The following PFKP variants were observed in gnomAD, a reference collection of about 807,000 sequenced individuals.
The protein encoded by PFKP is ATP-dependent 6-phosphofructokinase, platelet type.
In PFKP, 101 loss-of-function variants were observed where a neutral mutation model predicts 94.3. The ratio of observed to expected loss-of-function variants is 1.07; its 90% CI spans 0.91 to 1.26. The LOEUF is 1.26. PFKP is among the 50% of genes most tolerant of loss of function. The probability of loss-of-function intolerance (pLI) is 0.00; values close to 1 mark genes in which losing one functional copy is unlikely to be tolerated. For missense variants in PFKP, 1,145 were observed against 1,103.3 expected, an observed-to-expected ratio of 1.04 and a Z score of -0.53; for synonymous variants, 573 against 432.6, an observed-to-expected ratio of 1.32 and a Z score of -4.03.
At chr10:3,105,680 GAGACTCAAGGCAGA>G (rs1292153889) in intron 7 of PFKP, among the ~76,000 whole-genome samples, 179 bp downstream of exon 7, 1 of 152,188 alleles carries the variant, frequency 6.6e-6, no homozygotes. Context: ...TATGAAGGCT[GAGACTCAAGGCAGA>G]AGAGGTTTCA....
chr10:3,128,120 G>GA (rs1838156829), intron 16 of PFKP, among the ~76,000 whole-genome samples: 1 of 152,088 alleles, frequency 6.6e-6, no homozygotes, highest in African/African-American at 2.4e-5. Context: ...GCTGGCTGGG[G>GA]AATACCATGC....
At chr10:3,068,396 C>T (rs921179478) in intron 1 of PFKP, among the ~76,000 whole-genome samples, 8 of 152,180 alleles carry the variant, frequency 5.3e-5, no homozygotes, top group African/African-American at 1.7e-4. Context: ...AAAAGGGTTT[C>T]CTGCGCTCGC....
At chr10:3,104,096 T>C in intron 5 of PFKP, 152 bp downstream of exon 5, 1 of 629,366 alleles carries the variant, frequency 1.6e-6, no homozygotes, top group South Asian at 2.2e-5. Context: ...AGAACATTGT[T>C]CTCTGGTCTA....
At chr10:3,097,873 G>A (rs933797882) in intron 2 of PFKP, among the ~76,000 whole-genome samples, 1 of 152,202 alleles carries the variant, frequency 6.6e-6, no homozygotes, top group African/African-American at 2.4e-5. Context: ...GCCAGATGTG[G>A]TAGTGTGTTC....
intron 17 of PFKP, among the ~76,000 whole-genome samples, chr10:3,130,684 C>T (rs1161812425): frequency 1.3e-5 from 2 of 152,182 alleles, no homozygotes; most frequent in African/African-American, 2.4e-5. Context: ...CTTAGCCTCC[C>T]AAGTAGCTGG....
At position 3,102,784 on chromosome 10, in the gene PFKP, G is replaced by A. The variant is rs538832238; in HGVS notation, c.455-995G>A. Among the ~76,000 whole-genome samples the A allele has an allele frequency of 2.3e-4, 35 of 152,332 alleles. 2 individuals carry two copies. The highest frequency in any genetic ancestry group is 8.3e-4 in the South Asian group (4 of 4,820). ...GCATATTGTTTAACAGCAACTCGAT[G>A]AGAGGCGGCATTGAGGCAAAGCAGC... On this transcript the variant is annotated intron_variant, in intron 4 of 21. Coordinates refer to ENST00000381125, the MANE Select transcript of PFKP (RefSeq NM_002627.5).
At chr10:3,133,035 TAACA>T (rs1357052906) in intron 18 of PFKP, among the ~76,000 whole-genome samples, 164 bp from the exon 19 acceptor site, 23 of 152,146 alleles carry the variant, frequency 1.5e-4, no homozygotes, top group Admixed American at 6.5e-5. Context: ...GGACCATGGG[TAACA>T]AACTGCAGAA....
At chr10:3,081,866 AG>A (rs149676777) in intron 1 of PFKP, among the ~76,000 whole-genome samples, 1 of 151,956 alleles carries the variant, frequency 6.6e-6, no homozygotes, top group Non-Finnish European at 1.5e-5. Flanking sequence ...GTTCTTCTCA[AG>A]GGGGGCCTCC....
At chr10:3,105,625 T>C (rs1418851317) in intron 7 of PFKP, 124 bp downstream of exon 7, 10 of 698,538 alleles carry the variant, frequency 1.4e-5, no homozygotes, top group Non-Finnish European at 2.1e-5. Flanking sequence ...TTGTCACACT[T>C]TGTATTTCAC....
intron 5 of PFKP, among the ~76,000 whole-genome samples, chr10:3,104,481 G>A (rs561366264): frequency 5.3e-5 from 8 of 152,338 alleles, no homozygotes; most frequent in Admixed American, 1.3e-4. Context: ...CTTTAAGGAC[G>A]AGGTGCTCGA....
chr10:3,133,074 T>G, intron 18 of PFKP, 129 bp from the exon 19 acceptor site: 1 of 712,144 alleles, frequency 1.4e-6, no homozygotes, highest in South Asian at 1.6e-5. Flanking sequence ...CTGGAGGGAC[T>G]GGTGTTGATG....
At chr10:3,090,565 G>A (rs1351228210) in intron 2 of PFKP, among the ~76,000 whole-genome samples, 2 of 151,984 alleles carry the variant, frequency 1.3e-5, no homozygotes, top group African/African-American at 4.8e-5. Flanking sequence ...CCCCCTCCCC[G>A]GCCTGGTCTC....
chr10:3,132,027 CTG>C (rs1838643560), intron 17 of PFKP, among the ~76,000 whole-genome samples: 1 of 152,206 alleles, frequency 6.6e-6, no homozygotes, highest in African/African-American at 2.4e-5. Flanking sequence ...ACTCTTTCCT[CTG>C]AGAGCACCGA....
chr10:3,135,419 T>C (rs541405260), intron 20 of PFKP, among the ~76,000 whole-genome samples: 1 of 149,200 alleles, frequency 6.7e-6, no homozygotes, highest in African/African-American at 2.5e-5. Context: ...TCTCAGTGTG[T>C]GTATGTGTGA....
intron 17 of PFKP, among the ~76,000 whole-genome samples, chr10:3,130,334 C>G (rs968821669): frequency 2.6e-5 from 4 of 152,216 alleles, no homozygotes; most frequent in African/African-American, 9.6e-5. Context: ...AAGGTTGCTG[C>G]AGCTTCTTTT....
chr10:3,136,401 T>A, intron 21 of PFKP, 49 bp from the exon 22 acceptor site: 1 of 1,600,176 alleles, frequency 6.2e-7, no homozygotes, highest in Middle Eastern at 1.7e-4. Flanking sequence ...CGGAGGCATC[T>A]CCCGCCAGTG....
chr10:3,099,539 T>C (rs1187274549), intron 3 of PFKP, among the ~76,000 whole-genome samples, 187 bp downstream of exon 3: 3 of 152,236 alleles, frequency 2.0e-5, no homozygotes, highest in African/African-American at 4.8e-5. Flanking sequence ...GTGAGTCACT[T>C]TGAGTACTTG....
chr10:3,081,321 G>A (rs1833058488), intron 1 of PFKP, among the ~76,000 whole-genome samples: 1 of 152,236 alleles, frequency 6.6e-6, no homozygotes, highest in African/African-American at 2.4e-5. Flanking sequence ...GCCTGCCTCT[G>A]TCACAGATGC....
Position 3,101,394 on chromosome 10 carries a change from C to T in PFKP, c.294C>T (p.Cys98=), listed in dbSNP as rs1254929644. ...GGACGATCATTGGCAGTGCGCGGTG[C>T]CAGGCCTTCCGCACGCGGGAAGGCC... ...VGGTIIGSAR[C]QAFRTREGRL... The change falls in exon 4 of 22, where the codon TGC becomes TGT. Residue 98 remains cysteine, a synonymous_variant. Coordinates refer to ENST00000381125, the MANE Select transcript of PFKP (RefSeq NM_002627.5). 5 of 1,598,588 alleles carry T rather than the reference C, an allele frequency of 3.1e-6. No individual in the cohort carries two copies. Among genetic ancestry groups the T allele is most frequent in the African/African-American group, 1.3e-5 (1 of 74,612 alleles).
Sources: gnomAD v4.1 joint callset for allele counts (sites outside exome capture counted in the v4.1 genomes callset) on GRCh38, gnomAD v4.1.1 for gene constraint, MANE v1.5 for transcripts, NCBI Gene and HGNC (gene_info 2026-07-23, HGNC 2026-07-21) for gene names.